EIF4E3: variants seen among roughly 807,000 people sequenced by gnomAD.
The protein encoded by EIF4E3 is eukaryotic translation initiation factor 4E family member 3, also known as eukaryotic translation initiation factor 4E type 3.
Under a neutral mutation model 31.7 loss-of-function variants are expected in EIF4E3, and 26 were observed. The observed-to-expected ratio is 0.82, with a 90% CI of 0.60 to 1.14. The LOEUF is 1.14. Ranked by LOEUF, EIF4E3 falls within the 50% of genes most tolerant of loss-of-function variation. EIF4E3 has a pLI of 0.00. For synonymous variants in EIF4E3, 128 were observed against 107.7 expected (o/e 1.19, Z -1.17); for missense variants, 304 against 270.9 (o/e 1.12, Z -0.86).
rs2049619492 is a variant in EIF4E3 at position 71,725,354 on chromosome 3, G to A, written c.14C>T (p.Pro5Leu). 1.0e-6 allele frequency: 1 copy of A among 974,164 alleles called. No individual in the cohort carries two copies. The highest frequency in any genetic ancestry group is 1.2e-6 in the Non-Finnish European group (1 of 822,746). The allele number at this position is 974,164 out of a possible 1,614,324, so 60.3% of individuals were successfully genotyped here. The change falls in exon 1 of 7, where the codon CCG becomes CTG. Residue 5 changes from proline to leucine, a missense_variant. Physicochemically the swap from Pro to Leu is moderately conservative, Grantham distance 98 (BLOSUM62 -3). Coordinates refer to ENST00000425534, the MANE Select transcript of EIF4E3 (RefSeq NM_001134651.2). The surrounding 1 kb of genome is among the most constrained non-coding windows in gnomAD (Gnocchi z 6.1). MALP[P>L]AAAPPAGARE... ...GGCCCCGGCGGGGGGCGCGGCGGCC[G>A]GGGGCAGCGCCATTTTCTCCGCCCC...
chr3:71,731,144 G>T (rs1339578803), intron 1 of EIF4E3, among the ~76,000 whole-genome samples: 2 of 151,998 alleles, frequency 1.3e-5, no homozygotes, highest in African/African-American at 4.8e-5. Flanking sequence ...TCTAACACCC[G>T]ACCCTCTCAT....
chr3:71,697,052 G>A (rs2049149014), intron 3 of EIF4E3, among the ~76,000 whole-genome samples: 1 of 151,666 alleles, frequency 6.6e-6, no homozygotes, highest in South Asian at 2.1e-4. Context: ...GTCTCACTCT[G>A]TCACCCAGGC....
Position 71,675,603 on chromosome 3 carries a change from C to T in EIF4E3, c.*9079G>A, listed in dbSNP as rs1255301611. 2.0e-5 allele frequency: 3 copies of T among 152,114 alleles called. No individual in the cohort carries two copies. Among genetic ancestry groups the T allele is most frequent in the Non-Finnish European group, 4.4e-5 (3 of 68,020 alleles). 9.4% of individuals were successfully genotyped at this position (152,114 alleles called of 1,614,324 possible). A position where few individuals can be genotyped will look rare whatever the true frequency, so the allele number is the denominator to read the frequency against. On this transcript the variant is annotated 3_prime_UTR_variant, in exon 7 of 7. Coordinates refer to ENST00000425534, the MANE Select transcript of EIF4E3 (RefSeq NM_001134651.2). ...AAGAAAAGATCATTGATTTTAACAG[C>T]CAGGAGATTTGGGATATAGCTGCAA...
At chr3:71,706,956 T>C (rs2049302140) in intron 2 of EIF4E3, among the ~76,000 whole-genome samples, 3 of 152,224 alleles carry the variant, frequency 2.0e-5, no homozygotes, top group African/African-American at 4.8e-5. Context: ...TCAGCTGTTA[T>C]GGACACTCGC....
chr3:71,685,121 C>T (rs999884683), intron 6 of EIF4E3, among the ~76,000 whole-genome samples: 2 of 151,764 alleles, frequency 1.3e-5, no homozygotes, highest in Non-Finnish European at 2.9e-5. Flanking sequence ...AAGACAGAGC[C>T]GCTTACAAGC....
intron 6 of EIF4E3, among the ~76,000 whole-genome samples, chr3:71,687,216 G>C (rs1276695487): frequency 6.6e-6 from 1 of 152,084 alleles, no homozygotes; most frequent in Non-Finnish European, 1.5e-5. Context: ...TGGCCAGGCT[G>C]GTCTTTAACT....
chr3:71,696,883 A>AT (rs1435802671), intron 3 of EIF4E3, among the ~76,000 whole-genome samples: 1 of 149,050 alleles, frequency 6.7e-6, no homozygotes, highest in Non-Finnish European at 1.5e-5. Context: ...GTCCAGCTAA[A>AT]TTTTTTTTGT....
chr3:71,748,828 C>T (rs1559616711), intron 1 of EIF4E3, among the ~76,000 whole-genome samples: 1 of 152,124 alleles, frequency 6.6e-6, no homozygotes, highest in East Asian at 1.9e-4. Context: ...ACTAAGGCTA[C>T]CTCTTTTTTT....
intron 1 of EIF4E3, among the ~76,000 whole-genome samples, chr3:71,746,549 A>G (rs1338914005): frequency 2.0e-5 from 3 of 152,150 alleles, no homozygotes; most frequent in Admixed American, 1.3e-4. Context: ...ACACCTTAAG[A>G]ATCTGCACTC....
chr3:71,721,560 G>A (rs1046423021), intron 1 of EIF4E3, among the ~76,000 whole-genome samples: 3 of 152,086 alleles, frequency 2.0e-5, no homozygotes, highest in Non-Finnish European at 4.4e-5. Flanking sequence ...CGGATCATGG[G>A]GGTGGCTTCC....
chr3:71,662,196 G>A, the EIF4E3 span, among the ~76,000 whole-genome samples: 1 of 152,174 alleles, frequency 6.6e-6, no homozygotes, highest in Non-Finnish European at 1.5e-5. Context: ...AGGGGAGAGT[G>A]TCTCAGTATA....
chr3:71,684,269 C>G lies in EIF4E3; in HGVS notation c.*413G>C, dbSNP rs704299. On this transcript the variant is annotated 3_prime_UTR_variant, in exon 7 of 7. Coordinates refer to ENST00000425534, the MANE Select transcript of EIF4E3 (RefSeq NM_001134651.2). ...GTGGTATTCAAAAGCAGTATTGTCA[C>G]GATTATGCATATTCTCATTAACTAG... The G allele has an allele frequency of 5.9e-6, 1 of 169,016 alleles. No homozygotes were observed. The highest frequency in any genetic ancestry group is 2.4e-5 in the African/African-American group (1 of 41,516). The allele number at this position is 169,016 out of a possible 1,614,324, so 10.5% of individuals were successfully genotyped here.
chr3:71,702,558 A>G (rs960999689), intron 2 of EIF4E3, among the ~76,000 whole-genome samples: 5 of 152,228 alleles, frequency 3.3e-5, no homozygotes, highest in African/African-American at 9.6e-5. Context: ...TTGAAAACAA[A>G]AACAGACAAC....
chr3:71,684,691 T>C lies in EIF4E3; in HGVS notation c.666A>G (p.Gly222=). 1 of 1,613,792 alleles carries C rather than the reference T, an allele frequency of 6.2e-7. No individual in the cohort carries two copies. Among genetic ancestry groups the C allele is most frequent in the Non-Finnish European group, 8.5e-7 (1 of 1,179,924 alleles). The change falls in exon 7 of 7, where the codon GGA becomes GGG. Residue 222 remains glycine (G), a synonymous_variant. Transcript: ENST00000425534. ...TCTTTACAGAGTGCAATTAGTGTTTTCCACGTCCACCTTCAAAAGCATGAT... is the reference window on the plus strand; with the variant it reads ...TCTTTACAGAGTGCAATTAGTGTTTCCCACGTCCACCTTCAAAAGCATGAT... The part of the protein sequence containing the change: ...EEHHAFEGGR[G]KH
chr3:71,754,128 C>T (rs781025466), upstream of EIF4E3: 3 of 1,446,962 alleles, frequency 2.1e-6, no homozygotes, highest in South Asian at 3.7e-5. This position sits in a 1 kb window ranked among gnomAD's most constrained non-coding sequence, Gnocchi z 5.8. Flanking sequence ...CACGCTCAGC[C>T]TGCTGCTGTG....
intron 4 of EIF4E3, among the ~76,000 whole-genome samples, chr3:71,696,153 G>A (rs979430078): frequency 1.3e-5 from 2 of 152,184 alleles, no homozygotes; most frequent in East Asian, 1.9e-4. Context: ...GTTGGTCATG[G>A]CTGTCAAGGG....
chr3:71,713,637 A>G (rs1217095615), intron 1 of EIF4E3, among the ~76,000 whole-genome samples: 2 of 151,670 alleles, frequency 1.3e-5, no homozygotes, highest in Non-Finnish European at 2.9e-5. Flanking sequence ...GGGTCTTACT[A>G]TGTTGCCCAG....
At position 71,702,159 on chromosome 3, in the gene EIF4E3, A is replaced by C. The variant is rs575891782; in HGVS notation, c.250-2451T>G. 7.2e-5 allele frequency among the ~76,000 whole-genome samples: 11 copies of C among 152,324 alleles called. No homozygotes were observed. The South Asian group carries it at 2.1e-3, about 29-fold the overall frequency. On this transcript the variant is annotated intron_variant, in intron 2 of 6. Transcript: ENST00000425534. ...CAGCCAAGAATCAGGTCATGAAGCC[A>C]CAGAAAGAGGGACACATGTTGAAGA...
intron 2 of EIF4E3, among the ~76,000 whole-genome samples, chr3:71,702,922 CAAG>C (rs2049238483): frequency 6.6e-6 from 1 of 152,074 alleles, no homozygotes; most frequent in South Asian, 2.1e-4. Context: ...CCTGGTAATT[CAAG>C]ATTATACTCT....
Sources: gnomAD v4.1 joint callset for allele counts (sites outside exome capture counted in the v4.1 genomes callset) on GRCh38, gnomAD v4.1.1 for gene constraint, Gnocchi (gnomAD v3.1) non-coding constraint, MANE v1.5 for transcripts, NCBI Gene and HGNC (gene_info 2026-07-23, HGNC 2026-07-21) for gene names.